SNTG1: variants seen among roughly 807,000 people sequenced by gnomAD.
The protein encoded by SNTG1 is gamma-1-syntrophin.
A neutral mutation model predicts 74.7 loss-of-function variants in SNTG1; 39 were observed. That is an observed-to-expected ratio of 0.52 (90% CI 0.40 to 0.68). The LOEUF is 0.68. SNTG1 is among the 30% of genes least tolerant of loss of function. The probability of loss-of-function intolerance (pLI) is 0.00; values close to 1 mark genes in which losing one functional copy is unlikely to be tolerated. For missense variants in SNTG1, 685 were observed against 609.5 expected, an observed-to-expected ratio of 1.12 and a Z score of -1.30; for synonymous variants, 254 against 217.1, an observed-to-expected ratio of 1.17 and a Z score of -1.49.
intron 13 of SNTG1, among the ~76,000 whole-genome samples, chr8:50,643,655 A>C (rs2095088225): frequency 6.6e-6 from 1 of 152,212 alleles, no homozygotes; most frequent in Admixed American, 6.5e-5. Context: ...TATTTGATTA[A>C]GATTCCTCTT....
At chr8:50,130,915 C>G (rs1483716328) in intron 1 of SNTG1, among the ~76,000 whole-genome samples, 2 of 151,994 alleles carry the variant, frequency 1.3e-5, no homozygotes, top group Admixed American at 1.3e-4. Context: ...GCTCTTTGTT[C>G]TGTTTAGAAA....
chr8:50,193,544 C>T (rs958449039), intron 2 of SNTG1, among the ~76,000 whole-genome samples: 3 of 152,018 alleles, frequency 2.0e-5, no homozygotes, highest in Admixed American at 2.0e-4. Flanking sequence ...TTGCTGAATC[C>T]TTTTATCAAT....
chr8:50,669,556 A>C (rs2095268422), intron 15 of SNTG1, among the ~76,000 whole-genome samples: 1 of 152,216 alleles, frequency 6.6e-6, no homozygotes, highest in South Asian at 2.1e-4. Context: ...TCAATAGCTT[A>C]CCAACGAAAA....
At chr8:50,100,030 T>A (rs2080066089) in intron 1 of SNTG1, among the ~76,000 whole-genome samples, 1 of 152,016 alleles carries the variant, frequency 6.6e-6, no homozygotes. Context: ...CATCAATAGA[T>A]GACGGACAAT....
intron 2 of SNTG1, among the ~76,000 whole-genome samples, chr8:50,240,860 G>A (rs762935375): frequency 3.2e-4 from 49 of 152,146 alleles, no homozygotes; most frequent in Non-Finnish European, 6.0e-4. Context: ...GGTATTTCCC[G>A]TGAAAGATTC....
intron 8 of SNTG1, among the ~76,000 whole-genome samples, chr8:50,496,889 C>T (rs753901733): frequency 2.6e-5 from 4 of 151,332 alleles, no homozygotes; most frequent in East Asian, 1.9e-4. Flanking sequence ...AGGAATAATT[C>T]GTTCATTATT....
chr8:50,183,752 C>A (rs923658206), intron 2 of SNTG1, among the ~76,000 whole-genome samples: 1 of 152,104 alleles, frequency 6.6e-6, no homozygotes, highest in African/African-American at 2.4e-5. Flanking sequence ...CTTGTGACCC[C>A]CAAACCTCAG....
intron 12 of SNTG1, among the ~76,000 whole-genome samples, chr8:50,563,199 A>G (rs1358047568): frequency 6.6e-6 from 1 of 152,180 alleles, no homozygotes; most frequent in Admixed American, 6.6e-5. Flanking sequence ...ATCACACAGC[A>G]ACTACTGCCT....
chr8:50,188,158 T>C (rs923023622), intron 2 of SNTG1, among the ~76,000 whole-genome samples: 3 of 152,164 alleles, frequency 2.0e-5, no homozygotes, highest in African/African-American at 4.8e-5. Context: ...AATATCTTTA[T>C]GGTGTTCCAT....
At chr8:50,619,612 TC>T (rs895684616) in intron 13 of SNTG1, among the ~76,000 whole-genome samples, 3 of 151,324 alleles carry the variant, frequency 2.0e-5, no homozygotes, top group African/African-American at 7.3e-5. Context: ...GCGCCTGTAG[TC>T]CCAGCTACTG....
chr8:50,074,390 A>G (rs780669442), intron 1 of SNTG1, among the ~76,000 whole-genome samples: 27 of 152,120 alleles, frequency 1.8e-4, no homozygotes, highest in Non-Finnish European at 1.6e-4. Context: ...TCTTCTAACT[A>G]TCTAGATCAC....
intron 1 of SNTG1, among the ~76,000 whole-genome samples, chr8:49,990,403 C>T (rs1016405144): frequency 1.3e-5 from 2 of 151,902 alleles, no homozygotes; most frequent in African/African-American, 2.4e-5. Context: ...GTTACTTATA[C>T]AATTTTGCAG....
In SNTG1 at chr8:50,384,083, A is replaced by G. The variant is rs544891677; in HGVS notation, c.-27-10129A>G. 8.5e-5 allele frequency among the ~76,000 whole-genome samples: 13 copies of G among 152,344 alleles called. No homozygotes were observed. The East Asian group carries it at 2.5e-3, about 29-fold the overall frequency. ...CTGAGAGGCACTACCCTCATTTCCT[A>G]AACTCATGAATTCTGGTAATGGGAG... On this transcript the variant is annotated intron_variant, in intron 2 of 18. Transcript: ENST00000642720.
intron 1 of SNTG1, among the ~76,000 whole-genome samples, chr8:50,074,854 G>C (rs1268101775): frequency 6.6e-6 from 1 of 152,148 alleles, no homozygotes; most frequent in African/African-American, 2.4e-5. Context: ...CGAGGGAGTG[G>C]GGAAGGACAG....
intron 1 of SNTG1, among the ~76,000 whole-genome samples, chr8:50,057,282 A>G (rs997152428): frequency 3.3e-5 from 5 of 152,106 alleles, no homozygotes; most frequent in African/African-American, 1.2e-4. Context: ...ATGCAGCTGC[A>G]CAGGTAACTT....
chr8:50,376,756 T>TATATATAGATAGAGAG (rs1381048539), intron 2 of SNTG1, among the ~76,000 whole-genome samples: 1 of 89,988 alleles, frequency 1.1e-5, no homozygotes, highest in Non-Finnish European at 2.2e-5. Context: ...TATATATATA[T>TATATATAGATAGAGAG]AGAGAGAGAG....
chr8:50,245,384 A>G (rs933160140), intron 2 of SNTG1, among the ~76,000 whole-genome samples: 1 of 152,152 alleles, frequency 6.6e-6, no homozygotes, highest in African/African-American at 2.4e-5. Flanking sequence ...CAGAAACTGT[A>G]AAGTGAATGT....
intron 13 of SNTG1, among the ~76,000 whole-genome samples, chr8:50,648,753 C>A (rs961441003): frequency 6.6e-6 from 1 of 151,930 alleles, no homozygotes; most frequent in Non-Finnish European, 1.5e-5. Context: ...TAAAAAAAAT[C>A]AAACCTCCAT....
intron 2 of SNTG1, among the ~76,000 whole-genome samples, chr8:50,202,451 A>G (rs140082551): frequency 6.6e-6 from 1 of 152,196 alleles, no homozygotes; most frequent in East Asian, 1.9e-4. Context: ...AGCATACAGT[A>G]TGTAGTCTTT....
Sources: gnomAD v4.1 joint callset for allele counts (sites outside exome capture counted in the v4.1 genomes callset) on GRCh38, gnomAD v4.1.1 for gene constraint, MANE v1.5 for transcripts, NCBI Gene and HGNC (gene_info 2026-07-23, HGNC 2026-07-21) for gene names.